GRIK3: variants seen among roughly 807,000 people sequenced by gnomAD.
GRIK3 encodes the protein glutamate ionotropic receptor kainate type subunit 3.
Under a neutral mutation model 102.5 loss-of-function variants are expected in GRIK3, and 29 were observed. That is an observed-to-expected ratio of 0.28 (90% confidence interval 0.21 to 0.39). GRIK3 has a LOEUF of 0.39. Ranked by LOEUF, GRIK3 falls within the 10% of genes least tolerant of loss-of-function variation. GRIK3 has a pLI of 1.00. For missense variants in GRIK3, 908 were observed against 1,252.4 expected, an observed-to-expected ratio of 0.73 and a Z score of 4.15; for synonymous variants, 511 against 504.9, an observed-to-expected ratio of 1.01 and a Z score of -0.16.
chr1:36,958,203 G>A (rs1641948635), intron 1 of GRIK3, among the ~76,000 whole-genome samples: 1 of 98,992 alleles, frequency 1.0e-5, no homozygotes, highest in African/African-American at 4.4e-5. Context: ...TGTGTGCCCT[G>A]TGAGTCTGTG....
chr1:36,808,038 T>C (rs531674812), intron 13 of GRIK3, among the ~76,000 whole-genome samples: 21 of 152,310 alleles, frequency 1.4e-4, no homozygotes, highest in Non-Finnish European at 2.8e-4. Context: ...CCTTTTGTGC[T>C]CTCCGCTCTC....
chr1:36,874,149 A>C (rs918439767), intron 3 of GRIK3, among the ~76,000 whole-genome samples: 4 of 152,176 alleles, frequency 2.6e-5, no homozygotes, highest in East Asian at 1.9e-4. Context: ...CCCTGACCTC[A>C]CTCAGATAGC....
chr1:36,940,243 C>T (rs1050795791), intron 1 of GRIK3, among the ~76,000 whole-genome samples: 1 of 152,278 alleles, frequency 6.6e-6, no homozygotes, highest in Admixed American at 6.5e-5. Context: ...TACAACCCAA[C>T]TGTGTCTCCA....
intron 4 of GRIK3, among the ~76,000 whole-genome samples, chr1:36,870,587 G>A (rs1021780540): frequency 6.6e-5 from 10 of 152,160 alleles, no homozygotes; most frequent in African/African-American, 1.7e-4. Context: ...ACCTCAGCAC[G>A]TTAAAGTCTC....
At chr1:36,879,931 G>A (rs1640950161) in intron 3 of GRIK3, among the ~76,000 whole-genome samples, 2 of 152,208 alleles carry the variant, frequency 1.3e-5, no homozygotes, top group Admixed American at 1.3e-4. Context: ...GGGTATGGCA[G>A]GGGCTGGTGT....
rs61125066 is a variant in GRIK3 at position 36,975,288 on chromosome 1, G to GTTTTTTTTTTTTTTTTTTTTT, written c.115+58705_115+58706insAAAAAAAAAAAAAAAAAAAAA. On this transcript the variant is annotated intron_variant, in intron 1 of 15. Coordinates refer to ENST00000373091, the MANE Select transcript of GRIK3 (RefSeq NM_000831.4). ...AAATCAATGAGCTTATCTAAAGTTG[G>GTTTTTTTTTTTTTTTTTTTTT]TTTTTTTTTTTTTTTTTTTTGAGAG... Among the ~76,000 whole-genome samples, 26 of 113,350 alleles carry GTTTTTTTTTTTTTTTTTTTTT rather than the reference G, an allele frequency of 2.3e-4. 3 individuals carry two copies. Among genetic ancestry groups the GTTTTTTTTTTTTTTTTTTTTT allele is most frequent in the African/African-American group, 9.5e-4 (25 of 26,282 alleles). 74.4% of individuals were successfully genotyped at this position (113,350 alleles called of 152,430 possible).
intron 1 of GRIK3, among the ~76,000 whole-genome samples, chr1:36,911,678 G>A (rs1641346878): frequency 6.6e-6 from 1 of 152,066 alleles, no homozygotes; most frequent in African/African-American, 2.4e-5. Flanking sequence ...GTCAAATATT[G>A]CAGAATCGAC....
chr1:36,984,136 G>C (rs72653513), intron 1 of GRIK3, among the ~76,000 whole-genome samples: 6 of 152,138 alleles, frequency 3.9e-5, no homozygotes, highest in Non-Finnish European at 8.8e-5. Flanking sequence ...ACTCAGCCTC[G>C]GCAACCACAT....
chr1:37,015,966 C>T (rs918527658), intron 1 of GRIK3, among the ~76,000 whole-genome samples: 8 of 152,228 alleles, frequency 5.3e-5, no homozygotes, highest in Non-Finnish European at 8.8e-5. Flanking sequence ...TAATGCAAAA[C>T]GGAGCCACAG....
chr1:36,874,941 G>C (rs936178810), intron 3 of GRIK3, among the ~76,000 whole-genome samples: 1 of 152,206 alleles, frequency 6.6e-6, no homozygotes, highest in Non-Finnish European at 1.5e-5. Context: ...GGCTCTCTTT[G>C]TTTGCCTGAG....
intron 1 of GRIK3, among the ~76,000 whole-genome samples, chr1:36,969,331 TAAG>T (rs1642117254): frequency 6.6e-6 from 1 of 152,198 alleles, no homozygotes; most frequent in African/African-American, 2.4e-5. Context: ...GAACGTTTAA[TAAG>T]GAGACGGGGC....
intron 15 of GRIK3, chr1:36,804,773 T>G (rs1570733698): frequency 3.4e-6 from 2 of 591,774 alleles, no homozygotes; most frequent in South Asian, 2.2e-5. Context: ...AGGCAGGAGG[T>G]GATGGGGCTT....
chr1:36,961,435 G>A (rs1373860005), intron 1 of GRIK3, among the ~76,000 whole-genome samples: 1 of 152,222 alleles, frequency 6.6e-6, no homozygotes, highest in Non-Finnish European at 1.5e-5. Context: ...CGAGGACAGT[G>A]GTAGAAAGAG....
chr1:36,869,713 C>T (rs1359713973), intron 5 of GRIK3, 35 bp downstream of exon 5: 2 of 1,496,520 alleles, frequency 1.3e-6, no homozygotes, highest in East Asian at 2.3e-5. Context: ...GAGAGTCCCA[C>T]CCCTTTCCCG....
chr1:36,863,666 C>T (rs932392403), intron 5 of GRIK3, among the ~76,000 whole-genome samples: 1 of 152,194 alleles, frequency 6.6e-6, no homozygotes, highest in African/African-American at 2.4e-5. Context: ...GCTCAAGTAT[C>T]ACCTCTTCCA....
chr1:37,025,872 C>A (rs968696837), intron 1 of GRIK3, among the ~76,000 whole-genome samples: 2 of 152,222 alleles, frequency 1.3e-5, no homozygotes, highest in Non-Finnish European at 2.9e-5. Context: ...CAGCATGGCA[C>A]CAAAGAATTT....
At chr1:36,831,131 C>T (rs1050716925) in intron 10 of GRIK3, among the ~76,000 whole-genome samples, 1 of 152,242 alleles carries the variant, frequency 6.6e-6, no homozygotes, top group Non-Finnish European at 1.5e-5. Flanking sequence ...GCTCCTTCCA[C>T]AGCCTGCTGC....
chr1:36,795,618 A>T lies in GRIK3; in HGVS notation c.*6233T>A, dbSNP rs1012917988. The T allele has an allele frequency of 2.0e-5, 3 of 152,262 alleles. No homozygotes were observed. The highest frequency in any genetic ancestry group is 4.4e-5 in the Non-Finnish European group (3 of 68,046). 9.4% of individuals were successfully genotyped at this position (152,262 alleles called of 1,614,324 possible). On this transcript the variant is annotated 3_prime_UTR_variant, in exon 16 of 16. Coordinates refer to ENST00000373091, the MANE Select transcript of GRIK3 (RefSeq NM_000831.4). ...CTTTGATATATCACAGTGTCTTAAA[A>T]AGGAAAATAATCAGATTTGTTTGGA...
At chr1:37,007,295 G>A (rs1052807718) in intron 1 of GRIK3, among the ~76,000 whole-genome samples, 1 of 152,226 alleles carries the variant, frequency 6.6e-6, no homozygotes, top group African/African-American at 2.4e-5. Flanking sequence ...CTTACCCAAG[G>A]TCAGGTAGCC....
Sources: gnomAD v4.1 joint callset for allele counts (sites outside exome capture counted in the v4.1 genomes callset) on GRCh38, gnomAD v4.1.1 for gene constraint, MANE v1.5 for transcripts, NCBI Gene and HGNC (gene_info 2026-07-23, HGNC 2026-07-21) for gene names.